Variants in PTPN13 observed in about 807,000 individuals in gnomAD.
The protein encoded by PTPN13 is tyrosine-protein phosphatase non-receptor type 13.
PTPN13 carries 191 observed loss-of-function variants against 284.0 expected under a neutral mutation model. That is an observed-to-expected ratio of 0.67 (90% CI 0.60 to 0.76). The LOEUF is 0.76. PTPN13 is among the 30% of genes least tolerant of loss of function. PTPN13 has a pLI of 0.00. For synonymous variants in PTPN13, 986 were observed against 1,022.3 expected (o/e 0.96, Z 0.68); for missense variants, 2,797 against 2,939.9 (o/e 0.95, Z 1.12).
chr4:86,701,208 G>T, intron 6 of PTPN13, 33 bp from the exon 7 acceptor site: 1 of 1,422,384 alleles, frequency 7.0e-7, no homozygotes, highest in Non-Finnish European at 9.4e-7. Context: ...TCTAAAAATT[G>T]TGTGCATACA....
intron 1 of PTPN13, among the ~76,000 whole-genome samples, chr4:86,602,444 C>T (rs893490848): frequency 3.3e-5 from 5 of 151,936 alleles, no homozygotes; most frequent in Non-Finnish European, 5.9e-5. Context: ...TAAATATTAG[C>T]TATTATTATT....
chr4:86,597,195 CT>C (rs1763895009), intron 1 of PTPN13, among the ~76,000 whole-genome samples: 2 of 146,340 alleles, frequency 1.4e-5, no homozygotes, highest in East Asian at 4.0e-4. Flanking sequence ...GAAAAACTCT[CT>C]TTTAATTTGA....
intron 1 of PTPN13, among the ~76,000 whole-genome samples, chr4:86,631,505 T>G (rs1188811229): frequency 6.6e-6 from 1 of 152,100 alleles, no homozygotes; most frequent in African/African-American, 2.4e-5. Flanking sequence ...TGAGGCAGTT[T>G]TAAAAAAATC....
At chr4:86,813,302 C>T (rs1745439461) in intron 47 of PTPN13, among the ~76,000 whole-genome samples, 1 of 152,104 alleles carries the variant, frequency 6.6e-6, no homozygotes, top group Non-Finnish European at 1.5e-5. Context: ...TTTTTATTTG[C>T]AGACTCAATT....
At chr4:86,689,977 T>A (rs1287879759) in intron 5 of PTPN13, 1 of 397,822 alleles carries the variant, frequency 2.5e-6, no homozygotes, top group Non-Finnish European at 4.5e-6. Context: ...TTCCTCAGAA[T>A]TCCTCATCGG....
At chr4:86,782,525 G>C (rs964997150) in intron 37 of PTPN13, among the ~76,000 whole-genome samples, 3 of 152,128 alleles carry the variant, frequency 2.0e-5, no homozygotes, top group African/African-American at 4.8e-5. Context: ...CTTTAGTGCG[G>C]AGATTTTTCT....
chr4:86,733,882 A>G (rs779968815), intron 12 of PTPN13, among the ~76,000 whole-genome samples: 1 of 152,198 alleles, frequency 6.6e-6, no homozygotes, highest in Non-Finnish European at 1.5e-5. Flanking sequence ...ACTAGCTAAT[A>G]TTTATTAAAT....
rs1415098775 is a variant in PTPN13, at chr4:86,783,795, TC to T, written c.6025-669del. ...CCAAGCATTTATTTTTGCATTTTTT[TC>T]AAGTGATTTTTCTTTTGATAGGCTA... On this transcript the variant is annotated intron_variant, in intron 37 of 47. Coordinates refer to ENST00000411767, the MANE Select transcript of PTPN13 (RefSeq NM_080683.3). Among the ~76,000 whole-genome samples, 4 of 152,120 alleles carry T rather than the reference TC, an allele frequency of 2.6e-5. No homozygotes were observed. In the East Asian group the frequency reaches 5.8e-4, roughly 22 times the overall value.
chr4:86,611,656 T>G (rs1329347276), intron 1 of PTPN13, among the ~76,000 whole-genome samples: 2 of 152,128 alleles, frequency 1.3e-5, no homozygotes, highest in Admixed American at 6.6e-5. Context: ...CTTACTACCT[T>G]GAGAGAGTTT....
chr4:86,633,251 C>G (rs984221783), intron 1 of PTPN13, among the ~76,000 whole-genome samples: 1 of 152,138 alleles, frequency 6.6e-6, no homozygotes. Context: ...CTTCCTTGCC[C>G]CTCTCTTACC....
intron 41 of PTPN13, among the ~76,000 whole-genome samples, chr4:86,798,073 A>G (rs530708985): frequency 6.6e-6 from 1 of 152,316 alleles, no homozygotes; most frequent in South Asian, 2.1e-4. Flanking sequence ...TCTTTTTTAC[A>G]TTAACTGAAG....
At chr4:86,607,947 C>T (rs929822949) in intron 1 of PTPN13, among the ~76,000 whole-genome samples, 2 of 151,788 alleles carry the variant, frequency 1.3e-5, no homozygotes, top group Non-Finnish European at 2.9e-5. Context: ...CTCATCACAG[C>T]ATTATTTGTA....
At chr4:86,792,230 G>A (rs576094302) in intron 40 of PTPN13, among the ~76,000 whole-genome samples, 15 of 152,228 alleles carry the variant, frequency 9.9e-5, no homozygotes, top group South Asian at 4.2e-4. Context: ...TTCAATCGCC[G>A]ATTCGATCAA....
chr4:86,599,003 G>A (rs1764067734), intron 1 of PTPN13, among the ~76,000 whole-genome samples: 1 of 152,130 alleles, frequency 6.6e-6, no homozygotes, highest in South Asian at 2.1e-4. Context: ...TAAAGCAGTT[G>A]TCCCTCCTTG....
chr4:86,729,619 A>C (rs1734715174), intron 10 of PTPN13, among the ~76,000 whole-genome samples: 1 of 149,340 alleles, frequency 6.7e-6, no homozygotes, highest in African/African-American at 2.4e-5. Flanking sequence ...CCTTTCTTCC[A>C]CTTGATCAAA....
chr4:86,707,654 C>CTT (rs140528190), intron 7 of PTPN13, among the ~76,000 whole-genome samples: 7,505 of 152,092 alleles, frequency 0.049, 253 homozygotes, highest in African/African-American at 0.071. Flanking sequence ...TTTTTCAAAA[C>CTT]ATCTTTTTTA....
chr4:86,600,139 G>A (rs1277551023), intron 1 of PTPN13, among the ~76,000 whole-genome samples: 3 of 151,910 alleles, frequency 2.0e-5, no homozygotes, highest in Admixed American at 2.0e-4. Context: ...TTTTCTTATA[G>A]GGGAAGGCAT....
chr4:86,768,901 G>T (rs1290412376), intron 28 of PTPN13, among the ~76,000 whole-genome samples: 1 of 151,404 alleles, frequency 6.6e-6, no homozygotes, highest in Non-Finnish European at 1.5e-5. Flanking sequence ...GTACAGACGG[G>T]GTTTCACCAT....
intron 1 of PTPN13, among the ~76,000 whole-genome samples, chr4:86,631,949 ATG>A (rs1353728518): frequency 1.3e-5 from 2 of 152,174 alleles, no homozygotes; most frequent in African/African-American, 4.8e-5. Context: ...ACATAAATAT[ATG>A]TGTGTATGTA....
Sources: allele counts gnomAD v4.1 joint callset (sites outside exome capture counted in the v4.1 genomes callset), GRCh38; gene constraint gnomAD v4.1.1; transcripts MANE v1.5; gene names NCBI Gene and HGNC (gene_info 2026-07-23, HGNC 2026-07-21).